The following PDGFRA variants were observed in gnomAD, a reference collection of about 807,000 sequenced individuals.
PDGFRA encodes platelet-derived growth factor receptor alpha.
In PDGFRA, 25 loss-of-function variants were observed where a neutral mutation model predicts 121.5. That is an observed-to-expected ratio of 0.21 (90% CI 0.15 to 0.29). PDGFRA has a LOEUF of 0.29. PDGFRA is among the 10% of genes least tolerant of loss of function. The probability of loss-of-function intolerance (pLI) is 1.00; values close to 1 mark genes in which losing one functional copy is unlikely to be tolerated. For synonymous variants in PDGFRA, 463 were observed against 494.8 expected, an observed-to-expected ratio of 0.94 and a Z score of 0.85; for missense variants, 1,008 against 1,345.1, an observed-to-expected ratio of 0.75 and a Z score of 3.92.
intron 1 of PDGFRA, among the ~76,000 whole-genome samples, chr4:54,231,045 C>G (rs552100064): frequency 6.6e-6 from 1 of 152,216 alleles, no homozygotes; most frequent in Non-Finnish European, 1.5e-5. Flanking sequence ...ATGGCCTGGC[C>G]TCGCGTCTTG....
intron 1 of PDGFRA, among the ~76,000 whole-genome samples, chr4:54,242,733 T>C (rs1472636658): frequency 1.3e-5 from 2 of 152,110 alleles, no homozygotes; most frequent in Non-Finnish European, 2.9e-5. Context: ...TTAATGACCA[T>C]ATTAGAGGAC....
At position 54,250,242 on chromosome 4, in the gene PDGFRA, T is replaced by C. The variant is rs191586038; in HGVS notation, c.-12-8515T>C. The stretch of plus-strand genomic sequence containing the variant: ...GAAATCTTTGAGTTATCATTTTGGC[T>C]AAATAAATGCTTTATGGTGACCTGG... On this transcript the variant is annotated intron_variant, in intron 1 of 22. Transcript: ENST00000257290. Among the ~76,000 whole-genome samples the C allele has an allele frequency of 3.4e-4, 52 of 152,362 alleles. No homozygotes were observed. In the East Asian group the frequency reaches 6.6e-3, roughly 19 times the overall value.
At chr4:54,282,716 C>T (rs1170630896) in intron 16 of PDGFRA, among the ~76,000 whole-genome samples, 1 of 152,144 alleles carries the variant, frequency 6.6e-6, no homozygotes, top group African/African-American at 2.4e-5. Context: ...TAACTCATTC[C>T]AGCATCAACT....
In PDGFRA at chr4:54,295,462, G is replaced by T; in HGVS notation, c.*190G>T. 1.7e-6 allele frequency: 1 copy of T among 599,972 alleles called. No homozygotes were observed. The highest frequency in any genetic ancestry group is 3.0e-6 in the Non-Finnish European group (1 of 336,964). The allele number at this position is 599,972 out of a possible 1,614,324, so 37.2% of individuals were successfully genotyped here. A position where few individuals can be genotyped will look rare whatever the true frequency, so the allele number is the denominator to read the frequency against. On this transcript the variant is annotated 3_prime_UTR_variant, in exon 23 of 23. Transcript: ENST00000257290. ...ATATTTTGAAATGAACTTTGTCAGTGTTGCCTCTTGCAATGCCTCAGTAGC... is the reference window on the plus strand; with the variant it reads ...ATATTTTGAAATGAACTTTGTCAGTTTTGCCTCTTGCAATGCCTCAGTAGC...
chr4:54,230,228 G>A (rs373859805), intron 1 of PDGFRA: 3 of 153,158 alleles, frequency 2.0e-5, no homozygotes, highest in African/African-American at 7.2e-5. Flanking sequence ...GCCAGGGAGA[G>A]CGGGTGCCTG....
At position 54,261,123 on chromosome 4, in the gene PDGFRA, A is replaced by T. The variant is rs1577704945; in HGVS notation, c.78A>T (p.Ser26=). The change falls in exon 3 of 23, where the codon TCA becomes TCT. Residue 26 remains serine, a synonymous_variant. Coordinates refer to ENST00000257290, the MANE Select transcript of PDGFRA (RefSeq NM_006206.6). The part of the protein sequence containing the change: ...TGLSLILCQL[S]LPSILPNENE... ...TGAGCCTAATCCTCTGCCAGCTTTC[A>T]TTACCCTCTATCCTTCCAAATGAAA... The T allele has an allele frequency of 6.2e-7, 1 of 1,614,104 alleles. No homozygotes were observed. The highest frequency in any genetic ancestry group is 8.5e-7 in the Non-Finnish European group (1 of 1,179,998).
intron 1 of PDGFRA, among the ~76,000 whole-genome samples, chr4:54,234,535 A>G (rs917776994): frequency 6.6e-6 from 1 of 152,192 alleles, no homozygotes; most frequent in Non-Finnish European, 1.5e-5. Flanking sequence ...TTTTTTGCTC[A>G]GTAGGACCGT....
chr4:54,241,490 T>A (rs1721294271), intron 1 of PDGFRA, among the ~76,000 whole-genome samples: 1 of 151,962 alleles, frequency 6.6e-6, no homozygotes, highest in Non-Finnish European at 1.5e-5. Context: ...AAAATTTAGA[T>A]GTAATTAGCC....
intron 13 of PDGFRA, among the ~76,000 whole-genome samples, 183 bp downstream of exon 13, chr4:54,277,675 A>G (rs1723814064): frequency 6.6e-6 from 1 of 152,178 alleles, no homozygotes; most frequent in African/African-American, 2.4e-5. Flanking sequence ...TGCTGCCTGT[A>G]TGTTGGAAAA....
At chr4:54,239,833 A>C (rs1316008612) in intron 1 of PDGFRA, among the ~76,000 whole-genome samples, 1 of 151,926 alleles carries the variant, frequency 6.6e-6, no homozygotes, top group Non-Finnish European at 1.5e-5. Context: ...TTTTTTAAAA[A>C]AAATTTTAAA....
chr4:54,240,034 G>T, intron 1 of PDGFRA: 1 of 419,294 alleles, frequency 2.4e-6, no homozygotes, highest in Non-Finnish European at 4.8e-6. Flanking sequence ...TATTTTTTTT[G>T]TAGAGACGGG....
chr4:54,247,117 C>G (rs1417055940), intron 1 of PDGFRA, among the ~76,000 whole-genome samples: 1 of 152,164 alleles, frequency 6.6e-6, no homozygotes, highest in Non-Finnish European at 1.5e-5. Flanking sequence ...CAGATGGATT[C>G]ACAGCCGAAT....
intron 1 of PDGFRA, chr4:54,240,099 T>C (rs1016077936): frequency 1.2e-5 from 5 of 403,510 alleles, no homozygotes; most frequent in African/African-American, 2.1e-5. Context: ...ATGATCTGCC[T>C]GCCTCAGCTT....
At chr4:54,278,113 A>T (rs980799728) in intron 14 of PDGFRA, 107 bp downstream of exon 14, 1 of 783,978 alleles carries the variant, frequency 1.3e-6, no homozygotes, top group African/African-American at 1.7e-5. Context: ...CATGGCAGGG[A>T]ATAGAAGTCC....
At chr4:54,236,057 T>G (rs1204813101) in intron 1 of PDGFRA, among the ~76,000 whole-genome samples, 2 of 152,240 alleles carry the variant, frequency 1.3e-5, no homozygotes, top group Non-Finnish European at 2.9e-5. Context: ...GGGGGTCTCT[T>G]TCTCAGTTTG....
intron 11 of PDGFRA, 51 bp downstream of exon 11, chr4:54,274,676 C>T (rs765818597): frequency 5.2e-5 from 78 of 1,491,850 alleles, no homozygotes; most frequent in Non-Finnish European, 6.7e-5. Flanking sequence ...TGAGAACAAG[C>T]ATAGCAACCT....
intron 4 of PDGFRA, 93 bp downstream of exon 4, chr4:54,264,020 C>A: frequency 1.9e-6 from 2 of 1,067,294 alleles, no homozygotes; most frequent in Admixed American, 2.1e-5. Context: ...AAATCATCAT[C>A]ACTGGTGATC....
At chr4:54,261,772 C>A (rs1722731193) in intron 3 of PDGFRA, among the ~76,000 whole-genome samples, 1 of 151,506 alleles carries the variant, frequency 6.6e-6, no homozygotes, top group African/African-American at 2.4e-5. Flanking sequence ...TAAGCCCTGT[C>A]TTGGAGTTGC....
intron 1 of PDGFRA, among the ~76,000 whole-genome samples, chr4:54,249,382 C>T (rs1294396168): frequency 6.6e-6 from 1 of 152,154 alleles, no homozygotes; most frequent in African/African-American, 2.4e-5. Context: ...TTGGAACCAA[C>T]CCAAATATCC....
Sources: allele counts gnomAD v4.1 joint callset (sites outside exome capture counted in the v4.1 genomes callset), GRCh38; gene constraint gnomAD v4.1.1; transcripts MANE v1.5; gene names NCBI Gene and HGNC (gene_info 2026-07-23, HGNC 2026-07-21).